Variants in TARS1 observed in about 807,000 individuals in gnomAD.
TARS1 encodes the protein threonyl-tRNA synthetase 1, also known as threonine--tRNA ligase 1, cytoplasmic.
Under a neutral mutation model 97.7 loss-of-function variants are expected in TARS1, and 57 were observed. The observed-to-expected ratio is 0.58, with a 90% CI of 0.47 to 0.73. The LOEUF (loss-of-function observed/expected upper bound fraction) is 0.73. TARS1 is among the 30% of genes least tolerant of loss of function. The pLI is 0.00. For synonymous variants in TARS1, 312 were observed against 293.7 expected (o/e 1.06, Z -0.64); for missense variants, 806 against 888.3 (o/e 0.91, Z 1.18).
At chr5:33,448,502 A>G in intron 2 of TARS1, 39 bp from the exon 3 acceptor site, 1 of 1,465,520 alleles carries the variant, frequency 6.8e-7, no homozygotes. Context: ...AGCAATATTT[A>G]CTGATCATTT....
chr5:33,462,099 C>T lies in TARS1; in HGVS notation c.1731C>T (p.Ser577=), dbSNP rs775988386. Residue 577 remains serine (S), a splice_region_variant and synonymous_variant, in exon 16 of 19, where the codon AGC becomes AGT. Coordinates refer to ENST00000265112, the MANE Select transcript of TARS1 (RefSeq NM_152295.5). ...LPIRFNLTYV[S]HDGDDKKRPV... ...AAAACAATTTTTTTTTTCTTTATAG[C>T]CATGATGGTGATGATAAGAAAAGGC... 3.1e-6 allele frequency: 5 copies of T among 1,610,702 alleles called. No individual in the cohort carries two copies. The highest frequency in any genetic ancestry group is 3.4e-6 in the Non-Finnish European group (4 of 1,178,974).
At chr5:33,444,019 A>G (rs1741287584) in intron 1 of TARS1, among the ~76,000 whole-genome samples, 1 of 152,210 alleles carries the variant, frequency 6.6e-6, no homozygotes, top group East Asian at 1.9e-4. Context: ...AATGGCCAAA[A>G]TGTCCATCAA....
rs757847619 is a variant in TARS1 at position 33,441,058 on chromosome 5, G to A, written c.-29G>A. 1.1e-5 allele frequency: 18 copies of A among 1,614,100 alleles called. No homozygotes were observed. In the South Asian group the frequency reaches 1.8e-4, roughly 16 times the overall value. On this transcript the variant is annotated 5_prime_UTR_variant, in exon 1 of 19. Transcript: ENST00000265112. The stretch of plus-strand genomic sequence containing the variant: ...TCCTCTCCTCTAGGCCGTCGCTTTC[G>A]GGTTCTCTCATCGCTTCGTCGTTCG...
At chr5:33,448,105 A>G (rs1325690746) in intron 2 of TARS1, among the ~76,000 whole-genome samples, 1 of 152,226 alleles carries the variant, frequency 6.6e-6, no homozygotes, top group African/African-American at 2.4e-5. Context: ...CCTTAAGTCA[A>G]AGAAATTTGT....
intron 17 of TARS1, among the ~76,000 whole-genome samples, chr5:33,465,026 A>C (rs1742466953): frequency 6.6e-6 from 1 of 152,192 alleles, no homozygotes; most frequent in Non-Finnish European, 1.5e-5. Context: ...AGATCATGCC[A>C]CTGCACTCCA....
At chr5:33,459,525 C>T (rs1272964251) in intron 10 of TARS1, among the ~76,000 whole-genome samples, 170 bp from the exon 11 acceptor site, 1 of 152,216 alleles carries the variant, frequency 6.6e-6, no homozygotes, top group Non-Finnish European at 1.5e-5. Flanking sequence ...TCCTTAGGTA[C>T]ATGTGCCAAG....
rs148007697 is a variant in TARS1, at chr5:33,454,335, T to G, written c.454-610T>G. ...TCTTACGAGAATTTTTTAATGTCAC[T>G]TTGGTACCTTAATACTAAATCTTGA... On this transcript the variant is annotated intron_variant, in intron 4 of 18. Coordinates refer to ENST00000265112, the MANE Select transcript of TARS1 (RefSeq NM_152295.5). 3.9e-5 allele frequency among the ~76,000 whole-genome samples: 6 copies of G among 152,336 alleles called. No individual in the cohort carries two copies. In the East Asian group the frequency reaches 1.2e-3, roughly 29 times the overall value.
intron 3 of TARS1, among the ~76,000 whole-genome samples, chr5:33,449,323 A>ATG (rs1741588510): frequency 7.1e-6 from 1 of 141,370 alleles, no homozygotes; most frequent in Non-Finnish European, 1.5e-5. Context: ...ATGTGTATAT[A>ATG]TATACGCGTA....
chr5:33,450,062 C>T lies in TARS1; in HGVS notation c.329+1331C>T, dbSNP rs116202547. Among the ~76,000 whole-genome samples the T allele has an allele frequency of 4.7e-3, 721 of 152,264 alleles. 9 individuals are homozygous for T. The highest frequency in any genetic ancestry group is 0.017 in the African/African-American group (692 of 41,544). ...AAGTAGTCTGAGCACAGAATCCTTG[C>T]AGATTTTCATGTAGTTGTAGAGTTA... On this transcript the variant is annotated intron_variant, in intron 3 of 18. Coordinates refer to ENST00000265112, the MANE Select transcript of TARS1 (RefSeq NM_152295.5).
chr5:33,446,371 A>G (rs528503704), intron 2 of TARS1, among the ~76,000 whole-genome samples: 22 of 152,338 alleles, frequency 1.4e-4, no homozygotes, highest in African/African-American at 4.8e-4. Context: ...TAAAATTTGC[A>G]AGCCAATGGA....
intron 5 of TARS1, among the ~76,000 whole-genome samples, 200 bp from the exon 6 acceptor site, chr5:33,455,387 G>T (rs1199895294): frequency 6.6e-6 from 1 of 152,186 alleles, no homozygotes; most frequent in Non-Finnish European, 1.5e-5. Flanking sequence ...GATGACCAAG[G>T]TAGAAGCTAC....
At chr5:33,444,280 A>ATGGGT (rs1301261188) in intron 1 of TARS1, among the ~76,000 whole-genome samples, 1 of 152,222 alleles carries the variant, frequency 6.6e-6, no homozygotes, top group Non-Finnish European at 1.5e-5. Context: ...TAAACTGCTA[A>ATGGGT]TGGGTACAAG....
rs1478113479 is a variant in TARS1, at chr5:33,448,660, T to C, written c.258T>C (p.Thr86=). Residue 86 remains threonine, a synonymous_variant, in exon 3 of 19, where the codon ACT becomes ACC. Coordinates refer to ENST00000265112, the MANE Select transcript of TARS1 (RefSeq NM_152295.5). The stretch of plus-strand genomic sequence containing the variant: ...AAGATAGCAAGCCAATTAAAGTCAC[T>C]TTGCCTGATGGTAAACAGGTTGATG... ...AEKDSKPIKV[T]LPDGKQVDAE... 6.2e-7 allele frequency: 1 copy of C among 1,613,902 alleles called. No individual in the cohort carries two copies. The highest frequency in any genetic ancestry group is 8.5e-7 in the Non-Finnish European group (1 of 1,179,916).
chr5:33,446,914 T>A (rs1316680060), intron 2 of TARS1: 1 of 379,198 alleles, frequency 2.6e-6, no homozygotes, highest in Admixed American at 4.0e-5. Flanking sequence ...TTATGGACCG[T>A]TGTGATAATT....
In TARS1 at chr5:33,468,033, A is replaced by G. The variant is rs1438864706; in HGVS notation, c.*325A>G. 1.4e-5 allele frequency: 3 copies of G among 213,870 alleles called. No individual in the cohort carries two copies. Among genetic ancestry groups the G allele is most frequent in the Non-Finnish European group, 2.8e-5 (3 of 108,572 alleles). The allele number at this position is 213,870 out of a possible 1,614,324, so 13.2% of individuals were successfully genotyped here. ...GCAATTGAAAAAGTTTTCAAATTCA[A>G]TTAAGATAACTAGAATTGGATTATG... On this transcript the variant is annotated 3_prime_UTR_variant, in exon 19 of 19. Transcript: ENST00000265112.
At chr5:33,467,447 C>A in intron 18 of TARS1, 113 bp from the exon 19 acceptor site, 1 of 1,184,608 alleles carries the variant, frequency 8.4e-7, no homozygotes, top group South Asian at 1.7e-5. Context: ...TTTAATGTAT[C>A]AGAAGCTATG....
chr5:33,455,181 G>A lies in TARS1; in HGVS notation c.575+115G>A, dbSNP rs1327265370. ...ATAGATCTCACTGCTTCTTCATCAG[G>A]TATGCCCATTATCAGTACTTGAAGT... On this transcript the variant is annotated intron_variant, in intron 5 of 18. Coordinates refer to ENST00000265112, the MANE Select transcript of TARS1 (RefSeq NM_152295.5). 2.3e-6 allele frequency: 3 copies of A among 1,326,468 alleles called. No individual in the cohort carries two copies. The African/African-American group carries it at 4.4e-5, about 20-fold the overall frequency. The allele number at this position is 1,326,468 out of a possible 1,614,324, so 82.2% of individuals were successfully genotyped here. A position where few individuals can be genotyped will look rare whatever the true frequency, so the allele number is the denominator to read the frequency against.
chr5:33,444,173 TGA>T (rs1741295896), intron 1 of TARS1, among the ~76,000 whole-genome samples: 22 of 152,226 alleles, frequency 1.4e-4, no homozygotes, highest in Admixed American at 1.4e-3. Flanking sequence ...ACATAATGTG[TGA>T]TTCTATTTAT....
intron 16 of TARS1, among the ~76,000 whole-genome samples, chr5:33,463,006 T>G (rs3777074): frequency 0.2 from 31,113 of 152,164 alleles, 3,656 homozygotes; most frequent in East Asian, 0.5. Context: ...GTGAGACACA[T>G]TCTCTGCAAG....
Sources: gnomAD v4.1 joint callset for allele counts (sites outside exome capture counted in the v4.1 genomes callset) on GRCh38, gnomAD v4.1.1 for gene constraint, MANE v1.5 for transcripts, NCBI Gene and HGNC (gene_info 2026-07-23, HGNC 2026-07-21) for gene names.